The following MAGI2 variants were observed in gnomAD, a reference collection of about 807,000 sequenced individuals.
MAGI2 encodes the protein membrane-associated guanylate kinase, WW and PDZ domain-containing protein 2.
Under a neutral mutation model 133.3 loss-of-function variants are expected in MAGI2, and 35 were observed. The ratio of observed to expected loss-of-function variants is 0.26; its 90% confidence interval spans 0.20 to 0.35. The LOEUF is 0.35. Ranked by LOEUF, MAGI2 falls within the 10% of genes least tolerant of loss-of-function variation. The pLI is 1.00. For synonymous variants in MAGI2, 729 were observed against 710.6 expected (o/e 1.03, Z -0.41); for missense variants, 1,636 against 1,863.4 (o/e 0.88, Z 2.25).
intron 10 of MAGI2, among the ~76,000 whole-genome samples, chr7:78,248,960 C>G (rs1304511734): frequency 6.6e-6 from 1 of 151,806 alleles, no homozygotes; most frequent in Admixed American, 6.6e-5. Context: ...AAAATATTTG[C>G]AAACTACTCA....
intron 16 of MAGI2, among the ~76,000 whole-genome samples, chr7:78,156,363 C>A (rs931118849): frequency 6.6e-6 from 1 of 152,122 alleles, no homozygotes; most frequent in African/African-American, 2.4e-5. Context: ...GATTTAGCTG[C>A]CCTGGGAGAG....
intron 1 of MAGI2, among the ~76,000 whole-genome samples, chr7:79,133,023 G>T (rs1465260556): frequency 6.6e-6 from 1 of 151,908 alleles, no homozygotes; most frequent in African/African-American, 2.4e-5. Flanking sequence ...TGATTCACTG[G>T]AGTTCCTTGT....
rs1467196276 is a variant in MAGI2 at position 78,840,919 on chromosome 7, A to G, written c.418+166171T>C. On this transcript the variant is annotated intron_variant, in intron 2 of 21. Transcript: ENST00000354212. ...ACATTTAAGAAATTAACTGACGTAG[A>G]TACATTATGAAAGCTATAAAGCACT... 1.3e-5 allele frequency among the ~76,000 whole-genome samples: 2 copies of G among 151,950 alleles called. 1 individual carries two copies. The highest frequency in any genetic ancestry group is 2.9e-5 in the Non-Finnish European group (2 of 67,950).
At chr7:78,959,349 T>C (rs1333783619) in intron 2 of MAGI2, among the ~76,000 whole-genome samples, 1 of 152,172 alleles carries the variant, frequency 6.6e-6, no homozygotes, top group East Asian at 1.9e-4. Context: ...GCCAAACCTA[T>C]ACCATTATTT....
chr7:78,294,831 G>C (rs1797070271), intron 9 of MAGI2, among the ~76,000 whole-genome samples: 1 of 152,126 alleles, frequency 6.6e-6, no homozygotes, highest in Non-Finnish European at 1.5e-5. Context: ...CACTTGTAAG[G>C]CTGAATTGCA....
chr7:79,305,178 G>A (rs2129560083), intron 1 of MAGI2, among the ~76,000 whole-genome samples: 1 of 152,168 alleles, frequency 6.6e-6, no homozygotes, highest in African/African-American at 2.4e-5. Context: ...AAGAATTTGG[G>A]GGACTAGTGG....
At chr7:78,314,670 T>A (rs758502117) in intron 9 of MAGI2, among the ~76,000 whole-genome samples, 49 of 152,314 alleles carry the variant, frequency 3.2e-4, no homozygotes, top group Non-Finnish European at 5.3e-4. Context: ...TACTTTTTGT[T>A]CAGTAACTTT....
At chr7:78,928,565 T>TG (rs1799882750) in intron 2 of MAGI2, among the ~76,000 whole-genome samples, 1 of 152,074 alleles carries the variant, frequency 6.6e-6, no homozygotes, top group South Asian at 2.1e-4. Flanking sequence ...TGTCTAAAGA[T>TG]GCTTGTACTT....
chr7:78,238,456 C>T (rs185214373), intron 10 of MAGI2, among the ~76,000 whole-genome samples: 2 of 152,114 alleles, frequency 1.3e-5, no homozygotes, highest in African/African-American at 2.4e-5. Context: ...GTACCAGCTA[C>T]TGGGGAGACT....
chr7:78,158,313 T>G (rs1824597014), intron 16 of MAGI2: 3 of 152,122 alleles, frequency 2.0e-5, no homozygotes, highest in Admixed American at 2.0e-4. Flanking sequence ...CTCTCTTCTG[T>G]TCTACTGCTT....
intron 6 of MAGI2, among the ~76,000 whole-genome samples, chr7:78,416,728 A>C (rs1798339253): frequency 5.3e-5 from 8 of 152,152 alleles, no homozygotes; most frequent in African/African-American, 1.4e-4. Flanking sequence ...CACCTTTGTG[A>C]ATGGAATACA....
At chr7:79,423,252 G>A (rs987464953) in intron 1 of MAGI2, among the ~76,000 whole-genome samples, 4 of 151,930 alleles carry the variant, frequency 2.6e-5, no homozygotes, top group African/African-American at 9.7e-5. Flanking sequence ...TTTGTAAACA[G>A]ATTATCATTT....
At chr7:78,642,800 G>A (rs943400649) in intron 2 of MAGI2, among the ~76,000 whole-genome samples, 1 of 152,164 alleles carries the variant, frequency 6.6e-6, no homozygotes, top group Non-Finnish European at 1.5e-5. Flanking sequence ...TTTATACCTT[G>A]AGTAACTTGC....
chr7:79,393,731 G>T (rs1371450352), intron 1 of MAGI2, among the ~76,000 whole-genome samples: 1 of 152,158 alleles, frequency 6.6e-6, no homozygotes, highest in Non-Finnish European at 1.5e-5. Context: ...ATGGCACATT[G>T]TTATGTGAAC....
intron 1 of MAGI2, among the ~76,000 whole-genome samples, chr7:79,156,943 A>T (rs1466454197): frequency 6.6e-6 from 1 of 151,978 alleles, no homozygotes; most frequent in Admixed American, 6.6e-5. Flanking sequence ...ACCCAACTTA[A>T]TGCTTCTCTT....
chr7:78,537,977 T>TTA (rs1798096693), intron 3 of MAGI2, among the ~76,000 whole-genome samples: 1 of 152,210 alleles, frequency 6.6e-6, no homozygotes, highest in Admixed American at 6.5e-5. Flanking sequence ...GTTTGAGGTT[T>TTA]TAGATTTAAG....
intron 2 of MAGI2, among the ~76,000 whole-genome samples, chr7:78,778,135 A>ATGC (rs1374439459): frequency 6.6e-6 from 1 of 152,210 alleles, no homozygotes; most frequent in East Asian, 1.9e-4. Context: ...CCAGAGGATC[A>ATGC]TGCTTTTCCA....
intron 14 of MAGI2, among the ~76,000 whole-genome samples, chr7:78,176,307 A>C (rs1826596956): frequency 6.6e-6 from 1 of 152,150 alleles, no homozygotes; most frequent in East Asian, 1.9e-4. Flanking sequence ...AAGCACCTTC[A>C]TGTCTTCTTT....
intron 9 of MAGI2, among the ~76,000 whole-genome samples, chr7:78,297,195 C>T (rs1304185426): frequency 2.0e-5 from 3 of 152,162 alleles, no homozygotes; most frequent in Non-Finnish European, 4.4e-5. Context: ...CAAAGAGCAA[C>T]TTTATGGTAG....
Sources: allele counts gnomAD v4.1 joint callset (sites outside exome capture counted in the v4.1 genomes callset), GRCh38; gene constraint gnomAD v4.1.1; transcripts MANE v1.5; gene names NCBI Gene and HGNC (gene_info 2026-07-23, HGNC 2026-07-21).